The following ZBTB20 variants were observed in gnomAD, a reference collection of about 807,000 sequenced individuals.
ZBTB20 encodes the protein zinc finger and BTB domain containing 20.
ZBTB20 carries 9 observed loss-of-function variants against 56.9 expected under a neutral mutation model. The observed-to-expected ratio is 0.16, with a 90% confidence interval of 0.10 to 0.28. The LOEUF is 0.28. Among genes scored for constraint, ZBTB20 ranks in the 10% least tolerant of loss-of-function variants. The pLI, the probability that ZBTB20 is intolerant of heterozygous loss-of-function variation, is 1.00. For synonymous variants in ZBTB20, 417 were observed against 420.7 expected (o/e 0.99, Z 0.11); for missense variants, 655 against 1,003.0 (o/e 0.65, Z 4.69).
At chr3:114,369,375 C>A (rs1194827245) in intron 10 of ZBTB20, among the ~76,000 whole-genome samples, 2 of 152,112 alleles carry the variant, frequency 1.3e-5, no homozygotes, top group African/African-American at 4.8e-5. Flanking sequence ...GGAAAAAACT[C>A]CTCAAGGTCA....
rs192973760 is a variant in ZBTB20, at chr3:114,840,652, A to C, written c.-416-39478T>G. Among the ~76,000 whole-genome samples, 295 of 152,324 alleles carry C rather than the reference A, an allele frequency of 1.9e-3. 1 individual carries two copies. Among genetic ancestry groups the C allele is most frequent in the Middle Eastern group, 3.4e-3 (1 of 294 alleles). On this transcript the variant is annotated intron_variant, in intron 4 of 11. Transcript: ENST00000675478. ...AATTCTCCTAAATGTTAGTCTCAGA[A>C]AATTGACAAGGGCATAATAATTTCT... is the stretch of plus-strand genomic sequence containing the variant.
At chr3:114,684,911 C>T (rs565104202) in intron 6 of ZBTB20, among the ~76,000 whole-genome samples, 77 of 152,138 alleles carry the variant, frequency 5.1e-4, no homozygotes, top group African/African-American at 1.7e-3. Flanking sequence ...CCCTGGGGAC[C>T]ATTTAGGCTC....
intron 1 of ZBTB20, among the ~76,000 whole-genome samples, chr3:115,088,700 G>A (rs981454815): frequency 1.3e-5 from 2 of 151,776 alleles, no homozygotes; most frequent in African/African-American, 2.4e-5. Context: ...TTTATACTAT[G>A]AGGCATTGTT....
At chr3:114,908,114 T>G (rs2075389067) in intron 3 of ZBTB20, among the ~76,000 whole-genome samples, 1 of 151,950 alleles carries the variant, frequency 6.6e-6, no homozygotes, top group African/African-American at 2.4e-5. Context: ...AATGCCAGGC[T>G]ATATTCAGAT....
intron 4 of ZBTB20, among the ~76,000 whole-genome samples, chr3:114,827,775 G>A (rs1192265333): frequency 6.6e-6 from 1 of 151,646 alleles, no homozygotes; most frequent in Admixed American, 6.6e-5. Context: ...GTATTGCTTA[G>A]ATAATATATT....
At chr3:114,873,159 A>G (rs1039594939) in intron 4 of ZBTB20, 1 of 152,156 alleles carries the variant, frequency 6.6e-6, no homozygotes, top group Non-Finnish European at 1.5e-5. Flanking sequence ...ATGAGAAACT[A>G]TCATGTTATC....
intron 6 of ZBTB20, among the ~76,000 whole-genome samples, chr3:114,549,343 A>G (rs970316146): frequency 2.0e-5 from 3 of 152,206 alleles, no homozygotes; most frequent in Admixed American, 1.3e-4. Context: ...TGGGACAATT[A>G]CATATAACAC....
intron 6 of ZBTB20, among the ~76,000 whole-genome samples, chr3:114,545,081 A>T (rs2049706573): frequency 6.6e-6 from 1 of 152,188 alleles, no homozygotes; most frequent in Admixed American, 6.5e-5. Flanking sequence ...TCCTGGGGGC[A>T]TTATCCATGA....
intron 7 of ZBTB20, among the ~76,000 whole-genome samples, chr3:114,417,790 T>C (rs1313846519): frequency 6.6e-6 from 1 of 152,040 alleles, no homozygotes; most frequent in African/African-American, 2.4e-5. Context: ...TTGTGAGTTC[T>C]AGCCTTAAAG....
chr3:114,394,836 A>G (rs1044250779), intron 7 of ZBTB20, among the ~76,000 whole-genome samples: 1 of 152,240 alleles, frequency 6.6e-6, no homozygotes, highest in Admixed American at 6.5e-5. Flanking sequence ...GGCATTACAC[A>G]GAATTCAAGG....
intron 4 of ZBTB20, among the ~76,000 whole-genome samples, chr3:114,898,508 C>A (rs945991056): frequency 2.6e-5 from 4 of 152,016 alleles, no homozygotes; most frequent in Non-Finnish European, 4.4e-5. Flanking sequence ...AACTAAAGGC[C>A]ATCAAGACTT....
intron 7 of ZBTB20, among the ~76,000 whole-genome samples, chr3:114,457,932 C>A (rs558865659): frequency 4.8e-4 from 73 of 152,242 alleles, no homozygotes; most frequent in African/African-American, 1.7e-3. Flanking sequence ...ATAAAAAAAA[C>A]ACTAGAATTT....
At chr3:114,407,087 A>T (rs1576622343) in intron 7 of ZBTB20, among the ~76,000 whole-genome samples, 1 of 152,188 alleles carries the variant, frequency 6.6e-6, no homozygotes, top group South Asian at 2.1e-4. Flanking sequence ...GCTATAGCCC[A>T]CTAGCCACTG....
At chr3:114,354,180 G>T (rs2080976995) in intron 10 of ZBTB20, among the ~76,000 whole-genome samples, 1 of 152,184 alleles carries the variant, frequency 6.6e-6, no homozygotes, top group Non-Finnish European at 1.5e-5. Context: ...AGTGCAAGAA[G>T]TAAGACAACT....
chr3:114,687,381 C>T (rs183404107), intron 6 of ZBTB20: 1 of 151,634 alleles, frequency 6.6e-6, no homozygotes, highest in East Asian at 1.9e-4. Context: ...AAAATTAGAG[C>T]AGCAGGAGAG....
intron 11 of ZBTB20, among the ~76,000 whole-genome samples, chr3:114,348,971 A>G (rs2080415653): frequency 6.6e-6 from 1 of 152,162 alleles, no homozygotes; most frequent in African/African-American, 2.4e-5. Flanking sequence ...AGGCTGAGGC[A>G]GGCAGATGGC....
chr3:114,427,333 T>G (rs1221599379), intron 7 of ZBTB20, among the ~76,000 whole-genome samples: 1 of 152,208 alleles, frequency 6.6e-6, no homozygotes, highest in Admixed American at 6.5e-5. Context: ...TTTATTTCTC[T>G]GTAATATATC....
chr3:114,739,017 G>A (rs2066386051), intron 5 of ZBTB20, among the ~76,000 whole-genome samples: 1 of 152,112 alleles, frequency 6.6e-6, no homozygotes, highest in Admixed American at 6.6e-5. Context: ...TGATCCTCCC[G>A]CCTTGGCCTC....
intron 4 of ZBTB20, among the ~76,000 whole-genome samples, chr3:114,816,441 T>C (rs1361757148): frequency 6.6e-6 from 1 of 152,204 alleles, no homozygotes; most frequent in African/African-American, 2.4e-5. Flanking sequence ...TGAATTAAGA[T>C]AGAATAACCA....
Sources: allele counts gnomAD v4.1 joint callset (sites outside exome capture counted in the v4.1 genomes callset), GRCh38; gene constraint gnomAD v4.1.1; transcripts MANE v1.5; gene names NCBI Gene and HGNC (gene_info 2026-07-23, HGNC 2026-07-21).